Variants in PCDHGA1 observed in about 807,000 individuals in gnomAD.
PCDHGA1 encodes the protein protocadherin gamma subfamily A, 1, also known as protocadherin gamma-A1.
Under a neutral mutation model 58.0 loss-of-function variants are expected in PCDHGA1, and 32 were observed. That is an observed-to-expected ratio of 0.55 (90% CI 0.42 to 0.74). The LOEUF is 0.74. PCDHGA1 is among the 30% of genes least tolerant of loss of function. The pLI is 0.00. For missense variants in PCDHGA1, 1,205 were observed against 1,182.3 expected, an observed-to-expected ratio of 1.02 and a Z score of -0.28; for synonymous variants, 498 against 501.1, an observed-to-expected ratio of 0.99 and a Z score of 0.08.
At chr5:141,353,592 A>G (rs748446778) in intron 1 of PCDHGA1, among the ~76,000 whole-genome samples, 1 of 152,200 alleles carries the variant, frequency 6.6e-6, no homozygotes, top group Non-Finnish European at 1.5e-5. Context: ...ATATTTCATA[A>G]TTTTCTTAAC....
chr5:141,375,570 T>C, intron 1 of PCDHGA1: 2 of 1,614,014 alleles, frequency 1.2e-6, no homozygotes, highest in Non-Finnish European at 1.7e-6. Context: ...GAAGACACCC[T>C]CCAGGGGGCG....
intron 1 of PCDHGA1, chr5:141,365,060 C>T (rs750087491): frequency 1.2e-6 from 2 of 1,613,874 alleles, no homozygotes; most frequent in Admixed American, 1.7e-5. Context: ...CCTGTTCACC[C>T]CATCCGAGTA....
chr5:141,505,450 G>T lies in PCDHGA1; in HGVS notation c.2538G>T (p.Met846Ile). Residue 846 changes from methionine (M) to isoleucine (I), a missense_variant, in exon 3 of 4, where the codon ATG becomes ATT. By Grantham distance (10) the Met-to-Ile change is conservative (BLOSUM62 1). Coordinates refer to ENST00000517417, the MANE Select transcript of PCDHGA1 (RefSeq NM_018912.3). ...TWPNNQFDTE[M>I]LQAMILASAS... ...CCAACAACCAGTTTGACACAGAGAT[G>T]CTGCAAGCCATGATCTTGGCGTCCG... 6.2e-7 allele frequency: 1 copy of T among 1,614,194 alleles called. No homozygotes were observed. The highest frequency in any genetic ancestry group is 8.5e-7 in the Non-Finnish European group (1 of 1,180,012).
chr5:141,475,929 C>A, intron 1 of PCDHGA1: 1 of 634,624 alleles, frequency 1.6e-6, no homozygotes, highest in Non-Finnish European at 2.7e-6. Context: ...GGAGATCGGG[C>A]CCCTGCCCGT....
intron 1 of PCDHGA1, chr5:141,427,962 G>C (rs767684725): frequency 5.0e-6 from 8 of 1,589,982 alleles, no homozygotes; most frequent in Non-Finnish European, 6.9e-6. Flanking sequence ...TGTGCCGCGG[G>C]TGCTGTACCC....
intron 1 of PCDHGA1, chr5:141,361,437 C>T: frequency 6.2e-7 from 1 of 1,614,058 alleles, no homozygotes; most frequent in Non-Finnish European, 8.5e-7. Context: ...CCCTCTCCTC[C>T]AGCATAATTG....
intron 1 of PCDHGA1, among the ~76,000 whole-genome samples, chr5:141,455,253 C>T (rs187877877): frequency 6.6e-6 from 1 of 151,986 alleles, no homozygotes; most frequent in East Asian, 1.9e-4. Flanking sequence ...ATAGTACAAT[C>T]GCATTTCTTC....
At position 141,511,563 on chromosome 5, in the gene PCDHGA1, C is replaced by T. The variant is rs911782127; in HGVS notation, c.*390C>T. ...CCCCACTCCAACAGTTCCTCTTTCCCGAGTAAGGTGGTTGGGGTGTTGAAG... is the reference window on the plus strand; with the variant it reads ...CCCCACTCCAACAGTTCCTCTTTCCTGAGTAAGGTGGTTGGGGTGTTGAAG... On this transcript the variant is annotated 3_prime_UTR_variant, in exon 4 of 4. Coordinates refer to ENST00000517417, the MANE Select transcript of PCDHGA1 (RefSeq NM_018912.3). The T allele has an allele frequency of 7.8e-5, 23 of 295,048 alleles. No homozygotes were observed. The highest frequency in any genetic ancestry group is 3.4e-4 in the African/African-American group (16 of 46,532). The allele number at this position is 295,048 out of a possible 1,614,324, so 18.3% of individuals were successfully genotyped here. A position where few individuals can be genotyped will look rare whatever the true frequency, so the allele number is the denominator to read the frequency against.
Position 141,491,188 on chromosome 5 carries a change from G to A in PCDHGA1, c.2422-3619G>A. On this transcript the variant is annotated intron_variant, in intron 1 of 3. Transcript: ENST00000517417. This position sits in a 1 kb window ranked among gnomAD's most constrained non-coding sequence, Gnocchi z 6.9. Reference sequence around the variant, plus strand: ...CCAGCAGGTGGTGGTCCTGGTGAGGGACAATGGTGACCCTTCACTCTCCTC... The same window carrying A: ...CCAGCAGGTGGTGGTCCTGGTGAGGAACAATGGTGACCCTTCACTCTCCTC... The A allele has an allele frequency of 6.2e-7, 1 of 1,614,198 alleles. No individual in the cohort carries two copies. The highest frequency in any genetic ancestry group is 1.1e-5 in the South Asian group (1 of 91,086).
At chr5:141,494,776 C>T in intron 1 of PCDHGA1, 31 bp from the exon 2 acceptor site, 1 of 1,614,100 alleles carries the variant, frequency 6.2e-7, no homozygotes, top group East Asian at 2.2e-5. Context: ...CTCACGGGTA[C>T]TCAGCCCCTT....
rs1337100147 is a variant in PCDHGA1, at chr5:141,330,606, T to C, written c.-79T>C. ...TCTCCAGTCAGAATTCTCCTGAAAA[T>C]TGGGTTAATTTCAGCTCAGAAAAGC... On this transcript the variant is annotated 5_prime_UTR_variant, in exon 1 of 4. Transcript: ENST00000517417. 2.8e-6 allele frequency: 4 copies of C among 1,438,750 alleles called. No homozygotes were observed. The highest frequency in any genetic ancestry group is 2.3e-5 in the Admixed American group (1 of 44,130). 89.1% of individuals were successfully genotyped at this position (1,438,750 alleles called of 1,614,324 possible).
rs996353495 is a variant in PCDHGA1, at chr5:141,485,101, T to G, written c.2422-9706T>G. 12 of 1,158,090 alleles carry G rather than the reference T, an allele frequency of 1.0e-5. No individual in the cohort carries two copies. Among genetic ancestry groups the G allele is most frequent in the Non-Finnish European group, 1.4e-5 (11 of 786,830 alleles). The allele number at this position is 1,158,090 out of a possible 1,614,324, so 71.7% of individuals were successfully genotyped here. ...GGAAAGGGAGATAGGTGTCTCCAGC[T>G]GCTGTGGCTGTTTGGGGCGGGTCGG... On this transcript the variant is annotated intron_variant, in intron 1 of 3. Transcript: ENST00000517417. This position sits in a 1 kb window ranked among gnomAD's most constrained non-coding sequence, Gnocchi z 5.7.
intron 1 of PCDHGA1, chr5:141,479,339 G>GTA (rs1298553162): frequency 1.3e-5 from 2 of 152,644 alleles, no homozygotes; most frequent in East Asian, 3.8e-4. Context: ...GTGTGCACCT[G>GTA]TAGTTCTTGC....
chr5:141,472,364 AC>A (rs2099278314), intron 1 of PCDHGA1, among the ~76,000 whole-genome samples: 1 of 151,866 alleles, frequency 6.6e-6, no homozygotes, highest in Non-Finnish European at 1.5e-5. Flanking sequence ...ACACGGTGAA[AC>A]CCCGTCTCCA....
intron 1 of PCDHGA1, chr5:141,355,245 G>A: frequency 6.2e-7 from 1 of 1,613,186 alleles, no homozygotes; most frequent in Non-Finnish European, 8.5e-7. Context: ...GGCTGCTCCA[G>A]ATCTGCCTTC....
chr5:141,379,047 T>C (rs570619122), intron 1 of PCDHGA1: 2 of 152,352 alleles, frequency 1.3e-5, no homozygotes, highest in East Asian at 1.9e-4. Flanking sequence ...GGTGGTATTA[T>C]AGAATGGATT....
chr5:141,359,484 C>A (rs1229655985), intron 1 of PCDHGA1, among the ~76,000 whole-genome samples: 1 of 150,418 alleles, frequency 6.6e-6, no homozygotes, highest in Non-Finnish European at 1.5e-5. Flanking sequence ...GTTGTATATT[C>A]ATATTACGGA....
chr5:141,433,192 A>G (rs756991371), intron 1 of PCDHGA1: 1 of 1,585,516 alleles, frequency 6.3e-7, no homozygotes, highest in Non-Finnish European at 8.6e-7. Flanking sequence ...AGGTGAGTTT[A>G]TATCAAATCT....
At position 141,431,052 on chromosome 5, in the gene PCDHGA1, G is replaced by A. The variant is rs148326556; in HGVS notation, c.2422-63755G>A. On this transcript the variant is annotated intron_variant, in intron 1 of 3. Transcript: ENST00000517417. The surrounding 1 kb of genome is among the most constrained non-coding windows in gnomAD (Gnocchi z 4.8). Reference sequence around the variant, plus strand: ...ATAGACCGGGAGGAGCTCTGTATGGGGGCCATCAAGTGTCAATTAAATCTA... The same window carrying A: ...ATAGACCGGGAGGAGCTCTGTATGGAGGCCATCAAGTGTCAATTAAATCTA... 2 of 1,614,228 alleles carry A rather than the reference G, an allele frequency of 1.2e-6. No individual in the cohort carries two copies. The highest frequency in any genetic ancestry group is 1.7e-6 in the Non-Finnish European group (2 of 1,180,044).
Sources: gnomAD v4.1 joint callset for allele counts (sites outside exome capture counted in the v4.1 genomes callset) on GRCh38, gnomAD v4.1.1 for gene constraint, Gnocchi (gnomAD v3.1) non-coding constraint, MANE v1.5 for transcripts, NCBI Gene and HGNC (gene_info 2026-07-23, HGNC 2026-07-21) for gene names.